SLC16A1: variants seen among roughly 807,000 people sequenced by gnomAD.
SLC16A1 encodes the protein monocarboxylate transporter 1.
In SLC16A1, 11 loss-of-function variants were observed where a neutral mutation model predicts 32.2. The observed-to-expected ratio is 0.34, with a 90% CI of 0.21 to 0.56. The LOEUF (loss-of-function observed/expected upper bound fraction) is 0.56. Among genes scored for constraint, SLC16A1 ranks in the 20% least tolerant of loss-of-function variants. The pLI, the probability that SLC16A1 is intolerant of heterozygous loss-of-function variation, is 0.87. For missense variants in SLC16A1, 435 were observed against 615.0 expected (o/e 0.71, Z 3.10); for synonymous variants, 231 against 226.8 (o/e 1.02, Z -0.17).
At position 112,929,175 on chromosome 1, in the gene SLC16A1, T is replaced by C. The variant is rs1478588056; in HGVS notation, c.134A>G (p.Lys45Arg). The C allele has an allele frequency of 7.4e-6, 12 of 1,613,996 alleles. No individual in the cohort carries two copies. Among genetic ancestry groups the C allele is most frequent in the Non-Finnish European group, 1.0e-5 (12 of 1,180,032 alleles). ...GGCATGGAATATACCTTCAATCTCTTTGAAGAAGACAGTAATTGATTTGGG... is the reference window on the plus strand; with the variant it reads ...GGCATGGAATATACCTTCAATCTCTCTGAAGAAGACAGTAATTGATTTGGG... ...AFPKSITVFF[K>R]EIEGIFHATT... The change falls in exon 2 of 5, where the codon AAA becomes AGA. Residue 45 changes from lysine (K) to arginine (R), a missense_variant. By Grantham distance (26) the Lys-to-Arg change is conservative. This residue lies in a region of SLC16A1 where 324 missense variants were observed against 500.3 expected (regional missense o/e 0.65). Transcript: ENST00000369626.
intron 2 of SLC16A1, among the ~76,000 whole-genome samples, chr1:112,927,301 AG>A (rs993367159): frequency 6.6e-6 from 1 of 152,030 alleles, no homozygotes; most frequent in African/African-American, 2.4e-5. Flanking sequence ...TAAAAAAAAA[AG>A]GAAAAACAAA....
At chr1:112,923,522 C>T (rs1648816407) in intron 2 of SLC16A1, 2 of 1,042,758 alleles carry the variant, frequency 1.9e-6, no homozygotes, top group South Asian at 1.3e-5. Flanking sequence ...ACACGGCCTT[C>T]GTGTACAGCG....
chr1:112,933,627 T>TA (rs1379098487), intron 1 of SLC16A1, among the ~76,000 whole-genome samples: 6 of 152,050 alleles, frequency 3.9e-5, no homozygotes, highest in Non-Finnish European at 8.8e-5. Flanking sequence ...TCACCAAAGA[T>TA]ACATGAATGA....
Position 112,913,762 on chromosome 1 carries a change from C to CA in SLC16A1, c.*128dup. 1 of 1,172,706 alleles carries CA rather than the reference C, an allele frequency of 8.5e-7. No homozygotes were observed. The highest frequency in any genetic ancestry group is 2.3e-5 in the East Asian group (1 of 42,758). 72.6% of individuals were successfully genotyped at this position (1,172,706 alleles called of 1,614,324 possible). ...GTCAAACAAAAATCCCATCAATGAA[C>CA]AACTGGTATGATTTCCACACAAATG... is the stretch of plus-strand genomic sequence containing the variant. On this transcript the variant is annotated 3_prime_UTR_variant, in exon 5 of 5. Transcript: ENST00000369626.
chr1:112,946,053 A>T (rs942701912), intron 1 of SLC16A1, among the ~76,000 whole-genome samples: 2 of 152,174 alleles, frequency 1.3e-5, no homozygotes, highest in African/African-American at 4.8e-5. Flanking sequence ...TTTTCCTTTT[A>T]TAGTATTTTC....
intron 1 of SLC16A1, among the ~76,000 whole-genome samples, chr1:112,929,918 AG>A (rs1471724844): frequency 3.3e-5 from 5 of 152,208 alleles, no homozygotes; most frequent in African/African-American, 1.2e-4. Context: ...ATCCATGTGC[AG>A]GGAGGATAGC....
intron 1 of SLC16A1, among the ~76,000 whole-genome samples, chr1:112,934,657 A>C (rs1649239233): frequency 6.6e-6 from 1 of 152,208 alleles, no homozygotes; most frequent in Non-Finnish European, 1.5e-5. Flanking sequence ...TCTTTGTCTT[A>C]GTTATCTAGA....
rs535042321 is a variant in SLC16A1, at chr1:112,943,340, G to A, written c.-45+12695C>T. Among the ~76,000 whole-genome samples, 361 of 152,144 alleles carry A rather than the reference G, an allele frequency of 2.4e-3. 2 individuals are homozygous for A. Among genetic ancestry groups the A allele is most frequent in the Admixed American group, 4.4e-3 (67 of 15,280 alleles). On this transcript the variant is annotated intron_variant, in intron 1 of 4. Transcript: ENST00000369626. ...GAAGACTCTCTTGAACCTGGAAGGC[G>A]GAGGCTGCAGTGAGTGGAAAGGAAG...
At chr1:112,919,052 A>G (rs1279174598) in intron 3 of SLC16A1, among the ~76,000 whole-genome samples, 1 of 75,576 alleles carries the variant, frequency 1.3e-5, no homozygotes, top group African/African-American at 4.4e-5. Flanking sequence ...TATTTTTGAG[A>G]CAGAGTCTTG....
At chr1:112,948,336 AT>A (rs1649773638) in intron 1 of SLC16A1, among the ~76,000 whole-genome samples, 1 of 152,214 alleles carries the variant, frequency 6.6e-6, no homozygotes. Flanking sequence ...ATTTGCAGGC[AT>A]TAAAAATGTA....
chr1:112,912,243 A>G lies in SLC16A1; in HGVS notation c.*1648T>C, dbSNP rs1387296515. ...ATATACACAAATATCAAGGTTCAAA[A>G]GCTGGAGGATTTAATTCAATCAATT... On this transcript the variant is annotated 3_prime_UTR_variant, in exon 5 of 5. Transcript: ENST00000369626. 1 of 152,268 alleles carries G rather than the reference A, an allele frequency of 6.6e-6. No homozygotes were observed. The highest frequency in any genetic ancestry group is 1.5e-5 in the Non-Finnish European group (1 of 68,034). 9.4% of individuals were successfully genotyped at this position (152,268 alleles called of 1,614,324 possible).
chr1:112,937,264 T>A (rs2149036), intron 1 of SLC16A1, among the ~76,000 whole-genome samples: 24,001 of 152,218 alleles, frequency 0.16, 2,449 homozygotes, highest in Non-Finnish European at 0.23. Flanking sequence ...CAGCTATGAT[T>A]TGTCCCAATT....
Position 112,917,441 on chromosome 1 carries a change from G to T in SLC16A1, c.965C>A (p.Thr322Lys), listed in dbSNP as rs756178524. Reference protein sequence around the residue: ...ARPSMGLVANTKPIRPRIQYF... With the variant: ...ARPSMGLVANKKPIRPRIQYF... Reference sequence around the variant, plus strand: ...CTGAATTCGAGGTCTTATTGGCTTTGTGTTGGCTACAAGTCCCATAGATGG... The same window carrying T: ...CTGAATTCGAGGTCTTATTGGCTTTTTGTTGGCTACAAGTCCCATAGATGG... Residue 322 changes from threonine to lysine, a missense_variant, in exon 4 of 5, where the codon ACA becomes AAA. This residue lies in a region of SLC16A1 where 324 missense variants were observed against 500.3 expected (regional missense o/e 0.65). Coordinates refer to ENST00000369626, the MANE Select transcript of SLC16A1 (RefSeq NM_003051.4). The surrounding 1 kb of genome is among the most constrained non-coding windows in gnomAD (Gnocchi z 4.1). 16 of 1,614,202 alleles carry T rather than the reference G, an allele frequency of 9.9e-6. No homozygotes were observed. The South Asian group carries it at 1.6e-4, about 17-fold the overall frequency.
chr1:112,946,336 C>T (rs1181336822), intron 1 of SLC16A1, among the ~76,000 whole-genome samples: 1 of 151,938 alleles, frequency 6.6e-6, no homozygotes, highest in Non-Finnish European at 1.5e-5. Flanking sequence ...CTTTGGGAGG[C>T]CAAGGCAGGC....
At chr1:112,929,640 G>A (rs1291058625) in intron 1 of SLC16A1, among the ~76,000 whole-genome samples, 2 of 152,122 alleles carry the variant, frequency 1.3e-5, no homozygotes, top group Non-Finnish European at 2.9e-5. Context: ...GTACTCAGGA[G>A]TTTGAGACCA....
intron 3 of SLC16A1, among the ~76,000 whole-genome samples, chr1:112,920,824 TA>T (rs1328166804): frequency 6.6e-6 from 1 of 151,980 alleles, no homozygotes; most frequent in African/African-American, 2.4e-5. Flanking sequence ...GACTGAATTT[TA>T]AAAATACTTT....
rs1338642451 is a variant in SLC16A1 at position 112,951,181 on chromosome 1, C to T, written c.-45+4854G>A. ...TTCATTGTAAAAATCTCCTATAACA[C>T]TCCCTTCCTGCAAAGAGAAAAATAT... is the stretch of plus-strand genomic sequence containing the variant. On this transcript the variant is annotated intron_variant, in intron 1 of 4. Coordinates refer to ENST00000369626, the MANE Select transcript of SLC16A1 (RefSeq NM_003051.4). 2.0e-5 allele frequency among the ~76,000 whole-genome samples: 3 copies of T among 152,018 alleles called. No homozygotes were observed. In the East Asian group the frequency reaches 5.8e-4, roughly 29 times the overall value.
In SLC16A1 at chr1:112,913,931, T is replaced by C; in HGVS notation, c.1463A>G (p.Asp488Gly). The stretch of plus-strand genomic sequence containing the variant: ...CTCCTCCTTGGGCCCTCCATCTGTG[T>C]CTTTCTGGTCCGGAGATTCTGCTGC... ...TKAAESPDQK[D>G]TDGGPKEEES... The change falls in exon 5 of 5, where the codon GAC (aspartate) becomes GGC (glycine). Residue 488 changes from aspartate to glycine, a missense_variant. Physicochemically the swap from Asp to Gly is moderately conservative, Grantham distance 94 (BLOSUM62 -1). This residue lies in a region of SLC16A1 where 111 missense variants were observed against 114.7 expected (regional missense o/e 0.97). Transcript: ENST00000369626. 3 of 1,614,202 alleles carry C rather than the reference T, an allele frequency of 1.9e-6. No homozygotes were observed. The highest frequency in any genetic ancestry group is 1.3e-5 in the African/African-American group (1 of 75,052).
chr1:112,915,728 G>C (rs984149376), intron 4 of SLC16A1, among the ~76,000 whole-genome samples: 2 of 151,514 alleles, frequency 1.3e-5, no homozygotes, highest in Non-Finnish European at 2.9e-5. Context: ...ACAAGATTTA[G>C]AGCATAAAAA....
Sources: gnomAD v4.1 joint callset for allele counts (sites outside exome capture counted in the v4.1 genomes callset) on GRCh38, gnomAD v4.1.1 for gene constraint, gnomAD v4.1.1 regional missense constraint, Gnocchi (gnomAD v3.1) non-coding constraint, MANE v1.5 for transcripts, NCBI Gene and HGNC (gene_info 2026-07-23, HGNC 2026-07-21) for gene names.